The following FLI1 variants were observed in gnomAD, a reference collection of about 807,000 sequenced individuals.
FLI1 encodes Fli-1 proto-oncogene, ETS transcription factor.
A neutral mutation model predicts 53.1 loss-of-function variants in FLI1; 13 were observed. The ratio of observed to expected loss-of-function variants is 0.24; its 90% CI spans 0.16 to 0.39. The LOEUF (loss-of-function observed/expected upper bound fraction) is 0.39, where lower values mean the gene tolerates loss of function less well. FLI1 is among the 10% of genes least tolerant of loss of function. The pLI, the probability that FLI1 is intolerant of heterozygous loss-of-function variation, is 1.00. For missense variants in FLI1, 424 were observed against 600.5 expected (o/e 0.71, Z 3.07); for synonymous variants, 244 against 236.7 (o/e 1.03, Z -0.28).
At chr11:128,692,439 C>A (rs1212253395), upstream of FLI1, among the ~76,000 whole-genome samples, 1 of 144,874 alleles carries the variant, frequency 6.9e-6, no homozygotes, top group Admixed American at 6.8e-5. Context: ...CACCATCCAC[C>A]CCACCCCCAC....
chr11:128,719,916 T>C (rs940862309), intron 1 of FLI1, among the ~76,000 whole-genome samples: 3 of 152,212 alleles, frequency 2.0e-5, no homozygotes, highest in Admixed American at 1.3e-4. Context: ...CTTCTCTGTT[T>C]CTTGGCTTAC....
chr11:128,714,293 T>C (rs1172008119), intron 1 of FLI1, among the ~76,000 whole-genome samples: 1 of 152,014 alleles, frequency 6.6e-6, no homozygotes, highest in Admixed American at 6.6e-5. Context: ...ACTGCTATCC[T>C]GATCTCCATC....
intron 1 of FLI1, among the ~76,000 whole-genome samples, chr11:128,709,120 G>A (rs1663983802): frequency 6.6e-6 from 1 of 152,198 alleles, no homozygotes; most frequent in Admixed American, 6.5e-5. Flanking sequence ...GTGGTCTTCG[G>A]TCAGATAATA....
rs376612983 is a variant in FLI1, at chr11:128,723,933, ATT to A, written c.18+29682_18+29683del. Among the ~76,000 whole-genome samples the A allele has an allele frequency of 9.2e-3, 748 of 80,942 alleles. 1 individual carries two copies. Among genetic ancestry groups the A allele is most frequent in the African/African-American group, 0.032 (624 of 19,280 alleles). The allele number at this position is 80,942 out of a possible 152,430, so 53.1% of individuals were successfully genotyped here. A position where few individuals can be genotyped will look rare whatever the true frequency, so the allele number is the denominator to read the frequency against. On this transcript the variant is annotated intron_variant, in intron 1 of 8. Transcript: ENST00000527786. ...TAGAGGAGGAGGAACAATGGAGTTG[ATT>A]TTTTTTTTTTTTTTTTTTTTTTTTG...
At chr11:128,730,799 G>A (rs906608833) in intron 1 of FLI1, among the ~76,000 whole-genome samples, 1 of 152,252 alleles carries the variant, frequency 6.6e-6, no homozygotes, top group Non-Finnish European at 1.5e-5. Flanking sequence ...GGAATGAATG[G>A]TTTTCCCAAT....
intron 5 of FLI1, among the ~76,000 whole-genome samples, chr11:128,802,519 A>G (rs962599502): frequency 6.6e-6 from 1 of 152,206 alleles, no homozygotes; most frequent in Non-Finnish European, 1.5e-5. Flanking sequence ...GTTGCTATTT[A>G]TGACTCTATT....
chr11:128,706,082 G>A (rs536976305), intron 1 of FLI1, among the ~76,000 whole-genome samples: 8 of 152,250 alleles, frequency 5.3e-5, no homozygotes, highest in South Asian at 2.1e-4. Flanking sequence ...CCTTCAAGAG[G>A]GACGTGGAAC....
At chr11:128,764,690 G>C in intron 2 of FLI1, 14 of 1,541,418 alleles carry the variant, frequency 9.1e-6, no homozygotes, top group Non-Finnish European at 1.2e-5. Flanking sequence ...TTTATGCTGG[G>C]CTTCACCTGT....
chr11:128,735,181 A>G (rs191052292), intron 1 of FLI1, among the ~76,000 whole-genome samples: 17 of 152,388 alleles, frequency 1.1e-4, no homozygotes, highest in African/African-American at 4.1e-4. Context: ...TCAATGTCTT[A>G]AACTATAAAA....
At position 128,811,063 on chromosome 11, in the gene FLI1, A is replaced by C; in HGVS notation, c.*75A>C. 7.2e-7 allele frequency: 1 copy of C among 1,395,398 alleles called. No individual in the cohort carries two copies. 86.4% of individuals were successfully genotyped at this position (1,395,398 alleles called of 1,614,324 possible). On this transcript the variant is annotated 3_prime_UTR_variant, in exon 9 of 9. Transcript: ENST00000527786. Reference sequence around the variant, plus strand: ...CTGGATGCTTTGGACTCAACAGGACATATGTGGCCTTGAAGGGAAGACAAA... The same window carrying C: ...CTGGATGCTTTGGACTCAACAGGACCTATGTGGCCTTGAAGGGAAGACAAA...
At chr11:128,774,269 G>C (rs1422670457) in intron 4 of FLI1, among the ~76,000 whole-genome samples, 1 of 152,148 alleles carries the variant, frequency 6.6e-6, no homozygotes, top group African/African-American at 2.4e-5. Context: ...GAGGCGTCTG[G>C]TAACTAGTGC....
chr11:128,792,247 C>A (rs1013945818), intron 5 of FLI1, among the ~76,000 whole-genome samples: 1 of 152,156 alleles, frequency 6.6e-6, no homozygotes, highest in South Asian at 2.1e-4. Flanking sequence ...TCCAAAATGA[C>A]CCTTTCCTAC....
intron 5 of FLI1, among the ~76,000 whole-genome samples, chr11:128,792,473 G>A (rs1254202686): frequency 6.6e-6 from 1 of 152,194 alleles, no homozygotes; most frequent in Non-Finnish European, 1.5e-5. Flanking sequence ...TGGGGCGGTG[G>A]TAATGGAGCT....
intron 1 of FLI1, among the ~76,000 whole-genome samples, chr11:128,709,592 G>A (rs1034885524): frequency 2.0e-5 from 3 of 152,168 alleles, no homozygotes; most frequent in African/African-American, 4.8e-5. Context: ...CGTAAAAACC[G>A]ATGGCAGGAT....
At chr11:128,727,150 C>A (rs114952004) in intron 1 of FLI1, among the ~76,000 whole-genome samples, 1 of 152,132 alleles carries the variant, frequency 6.6e-6, no homozygotes, top group Non-Finnish European at 1.5e-5. Context: ...GAGCACACTT[C>A]AGAATCAGAT....
intron 4 of FLI1, among the ~76,000 whole-genome samples, chr11:128,776,288 C>T (rs933907678): frequency 1.3e-5 from 2 of 152,102 alleles, no homozygotes; most frequent in Non-Finnish European, 1.5e-5. Flanking sequence ...CCACCCCTCC[C>T]CCCCACCACC....
intron 1 of FLI1, among the ~76,000 whole-genome samples, chr11:128,724,901 G>A (rs576262868): frequency 2.8e-4 from 42 of 152,278 alleles, no homozygotes; most frequent in African/African-American, 8.4e-4. Context: ...TGGCCAAAGT[G>A]TTTGATTAAG....
chr11:128,685,387 G>T (rs1046573628), upstream of FLI1, among the ~76,000 whole-genome samples: 39 of 152,330 alleles, frequency 2.6e-4, no homozygotes, highest in Admixed American at 2.1e-3. Context: ...GTGCCCACTT[G>T]CGTCCGATCC....
intron 1 of FLI1, among the ~76,000 whole-genome samples, chr11:128,757,109 T>C (rs1225164295): frequency 6.7e-6 from 1 of 150,164 alleles, no homozygotes; most frequent in Non-Finnish European, 1.5e-5. Flanking sequence ...TCTTTCTTTC[T>C]TTCTCTCTTT....
Sources: gnomAD v4.1 joint callset for allele counts (sites outside exome capture counted in the v4.1 genomes callset) on GRCh38, gnomAD v4.1.1 for gene constraint, MANE v1.5 for transcripts, NCBI Gene and HGNC (gene_info 2026-07-23, HGNC 2026-07-21) for gene names.